Variants in FOXP2 observed in about 807,000 individuals in gnomAD.
The protein encoded by FOXP2 is forkhead box P2.
A neutral mutation model predicts 115.8 loss-of-function variants in FOXP2; 12 were observed. The observed-to-expected ratio is 0.10, with a 90% CI of 0.07 to 0.17. The LOEUF (loss-of-function observed/expected upper bound fraction) is 0.17. FOXP2 is among the 10% of genes least tolerant of loss of function. The pLI is 1.00. For missense variants in FOXP2, 629 were observed against 843.5 expected (o/e 0.75, Z 3.15); for synonymous variants, 328 against 297.7 (o/e 1.10, Z -1.05).
chr7:114,654,413 T>C (rs1419651144), intron 10 of FOXP2, among the ~76,000 whole-genome samples: 1 of 152,186 alleles, frequency 6.6e-6, no homozygotes, highest in Non-Finnish European at 1.5e-5. Context: ...ATAAGATACA[T>C]ATAAATAGAT....
intron 1 of FOXP2, among the ~76,000 whole-genome samples, chr7:114,147,824 G>A (rs1792416862): frequency 1.3e-5 from 2 of 152,136 alleles, no homozygotes; most frequent in South Asian, 4.1e-4. Flanking sequence ...TTGAGTATTT[G>A]GGAGCAGTGG....
intron 7 of FOXP2, among the ~76,000 whole-genome samples, 185 bp downstream of exon 7, chr7:114,642,808 ATATATT>A (rs1252539731): frequency 0.011 from 623 of 58,270 alleles, 2 homozygotes; most frequent in African/African-American, 0.037. Context: ...ATATATATAT[ATATATT>A]TTTTTTTTTT....
At chr7:114,086,486 C>T (rs1000734610), upstream of FOXP2, 8 of 348,712 alleles carry the variant, frequency 2.3e-5, no homozygotes, top group Admixed American at 2.6e-4. Context: ...CCCCCCTCCC[C>T]GGGCGCGCCC....
intron 2 of FOXP2, among the ~76,000 whole-genome samples, chr7:114,372,807 A>G (rs750569485): frequency 3.4e-4 from 52 of 152,234 alleles, no homozygotes; most frequent in Non-Finnish European, 6.5e-4. Context: ...ATTGCCATAC[A>G]TTGTAAAGGA....
At chr7:114,596,978 C>A (rs1802750405) in intron 3 of FOXP2, among the ~76,000 whole-genome samples, 1 of 152,046 alleles carries the variant, frequency 6.6e-6, no homozygotes, top group South Asian at 2.1e-4. Context: ...ACTAAAGTAG[C>A]AGACCATTTT....
intron 5 of FOXP2, chr7:114,630,990 A>T (rs1804874806): frequency 6.4e-6 from 1 of 155,048 alleles, no homozygotes; most frequent in Non-Finnish European, 1.4e-5. Flanking sequence ...TAATAAGGGC[A>T]CTTTTTTTTA....
intron 2 of FOXP2, among the ~76,000 whole-genome samples, chr7:114,353,972 T>G (rs1246000135): frequency 6.6e-6 from 1 of 152,138 alleles, no homozygotes. Context: ...AAAGACCTAG[T>G]AAAACATTAT....
chr7:114,237,581 C>T (rs2129166950), intron 1 of FOXP2, among the ~76,000 whole-genome samples: 2 of 152,222 alleles, frequency 1.3e-5, no homozygotes, highest in Middle Eastern at 6.8e-3. Flanking sequence ...GGCCTGCTCC[C>T]ACACTGTGGA....
intron 1 of FOXP2, among the ~76,000 whole-genome samples, chr7:114,115,446 C>T (rs541330434): frequency 1.7e-4 from 26 of 152,210 alleles, no homozygotes; most frequent in Middle Eastern, 6.8e-3. Context: ...CAGAGTTGTA[C>T]AGTACATGGC....
At chr7:114,199,458 T>C (rs1378739154) in intron 1 of FOXP2, among the ~76,000 whole-genome samples, 1 of 152,158 alleles carries the variant, frequency 6.6e-6, no homozygotes, top group Non-Finnish European at 1.5e-5. Flanking sequence ...TATCTTTACT[T>C]CTTATTTTTA....
rs919535788 is a variant in FOXP2 at position 114,577,756 on chromosome 7, T to C, written c.258+43050T>C. On this transcript the variant is annotated intron_variant, in intron 3 of 16. Coordinates refer to ENST00000350908, the MANE Select transcript of FOXP2 (RefSeq NM_014491.4). ...TACTTCAGACTACATATGTTATATATTTAATATTTTATGAGTAATGCTGTA... is the reference window on the plus strand; with the variant it reads ...TACTTCAGACTACATATGTTATATACTTAATATTTTATGAGTAATGCTGTA... Among the ~76,000 whole-genome samples the C allele has an allele frequency of 2.0e-5, 3 of 151,964 alleles. No individual in the cohort carries two copies. The South Asian group carries it at 6.2e-4, about 31-fold the overall frequency.
intron 2 of FOXP2, among the ~76,000 whole-genome samples, chr7:114,491,767 G>C (rs1797068252): frequency 6.6e-6 from 1 of 152,122 alleles, no homozygotes. Context: ...AAGCCCACTT[G>C]ATCATGGTGG....
At chr7:114,093,577 A>C (rs80105482) in intron 1 of FOXP2, among the ~76,000 whole-genome samples, 12,350 of 152,104 alleles carry the variant, frequency 0.081, 1,046 homozygotes, top group African/African-American at 0.22. Context: ...AGGAGGCCAA[A>C]GAAGTTACTT....
chr7:114,636,655 G>A (rs1215541687), intron 6 of FOXP2, among the ~76,000 whole-genome samples: 1 of 147,698 alleles, frequency 6.8e-6, no homozygotes, highest in African/African-American at 2.5e-5. Context: ...TAAAAAAGCT[G>A]CCAAGGAGAT....
At chr7:114,309,877 C>A (rs1395706121) in intron 2 of FOXP2, among the ~76,000 whole-genome samples, 1 of 149,264 alleles carries the variant, frequency 6.7e-6, no homozygotes, top group African/African-American at 2.5e-5. Context: ...ATTGCCCAGG[C>A]TTGTCTTGAA....
At chr7:114,417,663 A>T (rs1793408460) in intron 1 of FOXP2, among the ~76,000 whole-genome samples, 1 of 151,888 alleles carries the variant, frequency 6.6e-6, no homozygotes, top group Non-Finnish European at 1.5e-5. Flanking sequence ...TTGGGTTTTT[A>T]AAGCTGTGGT....
At chr7:114,686,957 A>G (rs965446429) in intron 16 of FOXP2, among the ~76,000 whole-genome samples, 1 of 152,148 alleles carries the variant, frequency 6.6e-6, no homozygotes, top group Non-Finnish European at 1.5e-5. Context: ...TTGAATTTGC[A>G]TGCACTATAG....
chr7:114,614,593 C>T (rs773463377), intron 3 of FOXP2, among the ~76,000 whole-genome samples: 1 of 152,060 alleles, frequency 6.6e-6, no homozygotes, highest in African/African-American at 2.4e-5. Flanking sequence ...AATTATTCCA[C>T]GTGTGTTCTC....
chr7:114,581,552 C>T (rs1801870301), intron 3 of FOXP2, among the ~76,000 whole-genome samples: 1 of 152,100 alleles, frequency 6.6e-6, no homozygotes, highest in South Asian at 2.1e-4. Context: ...ATAGCCTCTC[C>T]TATTATAAAC....
Sources: gnomAD v4.1 joint callset for allele counts (sites outside exome capture counted in the v4.1 genomes callset) on GRCh38, gnomAD v4.1.1 for gene constraint, MANE v1.5 for transcripts, NCBI Gene and HGNC (gene_info 2026-07-23, HGNC 2026-07-21) for gene names.